Variants in GABRA3 observed in about 807,000 individuals in gnomAD.
GABRA3 encodes the protein gamma-aminobutyric acid receptor subunit alpha-3.
Under a neutral mutation model 30.1 loss-of-function variants are expected in GABRA3, and 10 were observed. The ratio of observed to expected loss-of-function variants is 0.33; its 90% CI spans 0.20 to 0.56. The LOEUF is 0.56. Among genes scored for constraint, GABRA3 ranks in the 20% least tolerant of loss-of-function variants. GABRA3 has a pLI of 0.89. For synonymous variants in GABRA3, 151 were observed against 146.8 expected (o/e 1.03, Z -0.21); for missense variants, 233 against 392.0 (o/e 0.59, Z 3.42).
chrX:152,363,479 G>A (rs1928569314), intron 2 of GABRA3, among the ~76,000 whole-genome samples: 1 of 111,523 alleles, frequency 9.0e-6, no homozygotes, highest in African/African-American at 3.3e-5. Flanking sequence ...TAATTGAGGT[G>A]AGAGTACACA....
At chrX:152,446,878 T>G (rs1421123735) in intron 1 of GABRA3, among the ~76,000 whole-genome samples, 5 of 111,982 alleles carry the variant, frequency 4.5e-5, no homozygotes, top group Non-Finnish European at 9.4e-5. Context: ...GCCCTCCATC[T>G]ATCTTGCCAA....
chrX:152,420,336 T>C (rs1251657930), intron 1 of GABRA3, among the ~76,000 whole-genome samples: 1 of 111,279 alleles, frequency 9.0e-6, no homozygotes, highest in Non-Finnish European at 1.9e-5. Context: ...AAAATTAAAT[T>C]ATTTGAAAAA....
intron 3 of GABRA3, among the ~76,000 whole-genome samples, chrX:152,323,101 T>C (rs753517409): frequency 9.1e-6 from 1 of 109,836 alleles, no homozygotes; most frequent in African/African-American, 3.3e-5. Context: ...TCTGCCTGCC[T>C]CAGCCTCTCA....
intron 9 of GABRA3, among the ~76,000 whole-genome samples, chrX:152,169,069 G>A (rs1940598316): frequency 8.9e-6 from 1 of 112,233 alleles, no homozygotes. Flanking sequence ...ATCTGGGTAA[G>A]AGATTTTTAT....
At position 152,188,025 on chromosome X, in the gene GABRA3, C is replaced by T. The variant is rs767847361; in HGVS notation, c.1143+1705G>A. Among the ~76,000 whole-genome samples the T allele has an allele frequency of 3.6e-5, 4 of 111,393 alleles. No homozygotes were observed. In the South Asian group the frequency reaches 1.1e-3, roughly 32 times the overall value. ...TTCAAAACAGAAGGAAATATGGTTC[C>T]CATGAGACCATCTTAAAGAAACTTA... On this transcript the variant is annotated intron_variant, in intron 9 of 9. Coordinates refer to ENST00000370314, the MANE Select transcript of GABRA3 (RefSeq NM_000808.4).
chrX:152,269,906 C>T (rs1033812897), intron 4 of GABRA3, among the ~76,000 whole-genome samples: 2 of 111,638 alleles, frequency 1.8e-5, no homozygotes, highest in Non-Finnish European at 1.9e-5. Context: ...GAAAACATTG[C>T]GGAAATGCTC....
chrX:152,197,255 C>CA (rs1213188620), intron 8 of GABRA3, among the ~76,000 whole-genome samples: 1 of 111,382 alleles, frequency 9.0e-6, no homozygotes, highest in East Asian at 2.8e-4. Context: ...AACGCTCATA[C>CA]AAAAAAAGCA....
chrX:152,281,590 C>T (rs1939200477), intron 4 of GABRA3, among the ~76,000 whole-genome samples: 1 of 111,701 alleles, frequency 9.0e-6, no homozygotes, highest in Non-Finnish European at 1.9e-5. Context: ...CACTGTTTAG[C>T]TTTCATCTTT....
intron 1 of GABRA3, among the ~76,000 whole-genome samples, chrX:152,386,299 G>A (rs1366348130): frequency 1.8e-5 from 2 of 109,778 alleles, no homozygotes; most frequent in Non-Finnish European, 3.8e-5. Flanking sequence ...TCCTTGAAGA[G>A]GTCCTTCACG....
At chrX:152,264,885 A>AT (rs1427673650) in intron 4 of GABRA3, among the ~76,000 whole-genome samples, 2 of 111,843 alleles carry the variant, frequency 1.8e-5, no homozygotes, top group Non-Finnish European at 3.8e-5. Flanking sequence ...GAAAAAAACT[A>AT]TAAGAAGATA....
chrX:152,366,962 C>A (rs1471649051), intron 1 of GABRA3, among the ~76,000 whole-genome samples: 2 of 111,085 alleles, frequency 1.8e-5, no homozygotes, highest in East Asian at 5.6e-4. Flanking sequence ...GATACAGTTG[C>A]AAGTGACCAT....
intron 3 of GABRA3, among the ~76,000 whole-genome samples, chrX:152,296,398 C>T (rs772219188): frequency 9.8e-5 from 11 of 111,956 alleles, no homozygotes; most frequent in Non-Finnish European, 1.7e-4. Flanking sequence ...ACTATAAGTA[C>T]TCATTAATTT....
At chrX:152,409,631 T>C (rs2124528882) in intron 1 of GABRA3, among the ~76,000 whole-genome samples, 1 of 111,510 alleles carries the variant, frequency 9.0e-6, no homozygotes, top group South Asian at 3.8e-4. Context: ...AAGAGATTAA[T>C]AACCAGAATA....
intron 5 of GABRA3, among the ~76,000 whole-genome samples, chrX:152,235,766 T>A (rs1938190313): frequency 9.0e-6 from 1 of 111,021 alleles, no homozygotes; most frequent in Admixed American, 9.6e-5. Context: ...TTCATATTAT[T>A]AAAATATTGA....
At chrX:152,448,265 T>A (rs1346121699) in intron 1 of GABRA3, among the ~76,000 whole-genome samples, 1 of 112,215 alleles carries the variant, frequency 8.9e-6, no homozygotes, top group Non-Finnish European at 1.9e-5. Flanking sequence ...TGCCATAGAC[T>A]CTCTGAATCA....
chrX:152,421,863 T>C (rs1930380673), intron 1 of GABRA3, among the ~76,000 whole-genome samples: 1 of 111,582 alleles, frequency 9.0e-6, no homozygotes, highest in South Asian at 3.7e-4. Flanking sequence ...AAAACAAGCA[T>C]ATTATAATAT....
intron 6 of GABRA3, among the ~76,000 whole-genome samples, chrX:152,223,215 T>A (rs766317141): frequency 9.0e-6 from 1 of 111,191 alleles, no homozygotes; most frequent in East Asian, 2.9e-4. Context: ...GACACTTCAA[T>A]CTTCACTGAG....
intron 9 of GABRA3, 25 bp from the exon 10 acceptor site, chrX:152,168,588 G>T (rs764582881): frequency 9.0e-7 from 1 of 1,105,213 alleles, no homozygotes. Context: ...AAAGAGGGGG[G>T]GAAAGGGAGA....
intron 1 of GABRA3, among the ~76,000 whole-genome samples, chrX:152,436,297 C>T (rs1026157686): frequency 2.7e-5 from 3 of 111,970 alleles, no homozygotes; most frequent in African/African-American, 6.5e-5. Flanking sequence ...TCAAGATTTA[C>T]GAAAATGCTA....
Sources: allele counts gnomAD v4.1 joint callset (sites outside exome capture counted in the v4.1 genomes callset), GRCh38; gene constraint gnomAD v4.1.1; transcripts MANE v1.5; gene names NCBI Gene and HGNC (gene_info 2026-07-23, HGNC 2026-07-21).